Variants in HLCS observed in about 807,000 individuals in gnomAD.
The protein encoded by HLCS is biotin--protein ligase.
In HLCS, 53 loss-of-function variants were observed where a neutral mutation model predicts 75.0. The observed-to-expected ratio is 0.71, with a 90% CI of 0.57 to 0.89. HLCS has a LOEUF of 0.89. Ranked by LOEUF, HLCS falls within the 40% of genes least tolerant of loss-of-function variation. HLCS has a pLI of 0.00. For synonymous variants in HLCS, 431 were observed against 428.6 expected (o/e 1.01, Z -0.07); for missense variants, 966 against 1,074.0 (o/e 0.90, Z 1.41).
intron 8 of HLCS, among the ~76,000 whole-genome samples, chr21:36,761,702 T>C (rs929286361): frequency 6.6e-6 from 1 of 152,200 alleles, no homozygotes; most frequent in African/African-American, 2.4e-5. Context: ...AGCACTGGGC[T>C]GAGAAAGTCT....
intron 6 of HLCS, among the ~76,000 whole-genome samples, chr21:36,785,559 T>C (rs1293618715): frequency 3.3e-5 from 5 of 152,204 alleles, no homozygotes; most frequent in African/African-American, 2.4e-5. Flanking sequence ...ACTGAATCCT[T>C]GTACTGTTTG....
Position 36,936,294 on chromosome 21 carries a change from C to T in HLCS, c.1437+155G>A, listed in dbSNP as rs376764045. Among the ~76,000 whole-genome samples, 113 of 152,280 alleles carry T rather than the reference C, an allele frequency of 7.4e-4. 3 individuals are homozygous for T. The South Asian group carries it at 0.023, about 31-fold the overall frequency. On this transcript the variant is annotated intron_variant, in intron 4 of 10. Transcript: ENST00000674895. ...GCCCTGAACTAAACTAAACTTTCTG[C>T]TCACTATCAGCAAAAGCTCCCAGCC...
intron 1 of HLCS, among the ~76,000 whole-genome samples, chr21:36,988,211 A>G (rs1353160702): frequency 1.3e-5 from 2 of 152,166 alleles, no homozygotes; most frequent in African/African-American, 4.8e-5. Flanking sequence ...CCAATTTATT[A>G]GTTTCTAGTT....
chr21:36,831,949 C>T (rs2146052458), intron 6 of HLCS, among the ~76,000 whole-genome samples: 1 of 152,196 alleles, frequency 6.6e-6, no homozygotes, highest in African/African-American at 2.4e-5. Flanking sequence ...TGATTAGACA[C>T]AAGACAAGGA....
At chr21:36,932,982 G>A (rs2066714093) in intron 4 of HLCS, among the ~76,000 whole-genome samples, 1 of 152,184 alleles carries the variant, frequency 6.6e-6, no homozygotes, top group South Asian at 2.1e-4. Flanking sequence ...GCCAGGCATG[G>A]TGGCGCACGC....
At chr21:36,852,689 A>G (rs956545949) in intron 6 of HLCS, among the ~76,000 whole-genome samples, 3 of 152,222 alleles carry the variant, frequency 2.0e-5, no homozygotes, top group Non-Finnish European at 4.4e-5. Flanking sequence ...GATCCTTGGT[A>G]CATCTGCCTC....
chr21:36,905,241 T>C (rs1417203784), intron 5 of HLCS, among the ~76,000 whole-genome samples: 1 of 152,220 alleles, frequency 6.6e-6, no homozygotes, highest in Non-Finnish European at 1.5e-5. Context: ...AATAAGCATT[T>C]ACTGTATAAA....
rs112099232 is a variant in HLCS, at chr21:36,834,039, C to T, written c.1892+62821G>A. Reference sequence around the variant, plus strand: ...GACTGAAAATATAGTATTGGTGGGACGCAAAACCTGTAATGTACAGAGGGC... The same window carrying T: ...GACTGAAAATATAGTATTGGTGGGATGCAAAACCTGTAATGTACAGAGGGC... On this transcript the variant is annotated intron_variant, in intron 6 of 10. Coordinates refer to ENST00000674895, the MANE Select transcript of HLCS (RefSeq NM_001352514.2). 1.4e-3 allele frequency among the ~76,000 whole-genome samples: 211 copies of T among 152,312 alleles called. 1 individual carries two copies. The highest frequency in any genetic ancestry group is 4.1e-3 in the African/African-American group (169 of 41,562).
At position 36,842,694 on chromosome 21, in the gene HLCS, G is replaced by A. The variant is rs2062657466; in HGVS notation, c.1892+54166C>T. Among the ~76,000 whole-genome samples, 2 of 152,150 alleles carry A rather than the reference G, an allele frequency of 1.3e-5. No individual in the cohort carries two copies. Among genetic ancestry groups the A allele is most frequent in the African/African-American group, 2.4e-5 (1 of 41,426 alleles). On this transcript the variant is annotated intron_variant, in intron 6 of 10. Transcript: ENST00000674895. The surrounding 1 kb of genome is among the most constrained non-coding windows in gnomAD (Gnocchi z 4.2). ...GGAGGTGGAGGTTGCAGTAAGCCAA[G>A]ATTGTGCCACTGCACTCCACCCTGG...
intron 4 of HLCS, among the ~76,000 whole-genome samples, chr21:36,934,222 G>T (rs1230067706): frequency 6.6e-6 from 1 of 152,116 alleles, no homozygotes; most frequent in Non-Finnish European, 1.5e-5. Context: ...AGACTTTTTA[G>T]TTGGACCGAA....
At chr21:36,772,439 G>C (rs4817821) in intron 6 of HLCS, among the ~76,000 whole-genome samples, 67,339 of 151,418 alleles carry the variant, frequency 0.44, 15,243 homozygotes, top group East Asian at 0.64. Flanking sequence ...GAGTTCAAGA[G>C]CAGCTTAGGC....
At chr21:36,867,566 C>T (rs748485690) in intron 6 of HLCS, among the ~76,000 whole-genome samples, 98 of 152,188 alleles carry the variant, frequency 6.4e-4, no homozygotes, top group Non-Finnish European at 1.1e-3. Context: ...AAGAGAAAAT[C>T]TCTACCCCTC....
rs921947868 is a variant in HLCS at position 36,896,658 on chromosome 21, T to TA, written c.1892+201dup. The TA allele has an allele frequency of 6.5e-6, 4 of 612,788 alleles. No individual in the cohort carries two copies. In the African/African-American group the frequency reaches 7.4e-5, roughly 11 times the overall value. The allele number at this position is 612,788 out of a possible 1,614,324, so 38.0% of individuals were successfully genotyped here. ...AAAGCACAACCACCTTCCATTCCCA[T>TA]AAAAAACAAACCTGTGATCAAAGAA... On this transcript the variant is annotated intron_variant, in intron 6 of 10. Coordinates refer to ENST00000674895, the MANE Select transcript of HLCS (RefSeq NM_001352514.2).
At position 36,751,951 on chromosome 21, in the gene HLCS, C is replaced by G. The variant is rs2123541682; in HGVS notation, c.*2295G>C. On this transcript the variant is annotated 3_prime_UTR_variant, in exon 11 of 11. Transcript: ENST00000674895. ...GGAAAATGCCAAGTTCCCATTAAGA[C>G]TTTAAAGCTCCTTGAGATCCCAGGT... The G allele has an allele frequency of 6.6e-6, 1 of 152,590 alleles. No individual in the cohort carries two copies. The highest frequency in any genetic ancestry group is 3.4e-3 in the Middle Eastern group (1 of 294). 9.5% of individuals were successfully genotyped at this position (152,590 alleles called of 1,614,324 possible).
intron 1 of HLCS, among the ~76,000 whole-genome samples, chr21:36,982,543 T>G (rs2069142760): frequency 6.6e-6 from 1 of 152,204 alleles, no homozygotes; most frequent in Non-Finnish European, 1.5e-5. Flanking sequence ...TATACTGATT[T>G]TCACAAACTG....
Position 36,750,794 on chromosome 21 carries a change from A to G in HLCS, c.*3452T>C, listed in dbSNP as rs1433328933. 1.3e-5 allele frequency: 2 copies of G among 151,458 alleles called. No individual in the cohort carries two copies. The highest frequency in any genetic ancestry group is 2.9e-5 in the Non-Finnish European group (2 of 67,968). The allele number at this position is 151,458 out of a possible 1,614,324, so 9.4% of individuals were successfully genotyped here. On this transcript the variant is annotated 3_prime_UTR_variant, in exon 11 of 11. Transcript: ENST00000674895. ...GTTCCTAAACTTAAGTATGACATAT[A>G]AGATTAAAATCTTGGGGGGAAAAAC... is the stretch of plus-strand genomic sequence containing the variant.
At chr21:36,835,903 C>G (rs73385233) in intron 6 of HLCS, among the ~76,000 whole-genome samples, 160 of 152,116 alleles carry the variant, frequency 1.1e-3, no homozygotes, top group African/African-American at 3.5e-3. Context: ...CCACAAAGAC[C>G]TGATTCCCAT....
At chr21:36,933,385 T>A (rs947484000) in intron 4 of HLCS, among the ~76,000 whole-genome samples, 2 of 151,456 alleles carry the variant, frequency 1.3e-5, no homozygotes, top group African/African-American at 4.9e-5. Context: ...CCGTCTCTAC[T>A]AAAAATACAA....
intron 6 of HLCS, among the ~76,000 whole-genome samples, chr21:36,886,924 C>T (rs1474635359): frequency 6.6e-6 from 1 of 151,930 alleles, no homozygotes; most frequent in Admixed American, 6.6e-5. Context: ...GTCAGGGGTT[C>T]GAGACCAGAC....
Sources: gnomAD v4.1 joint callset for allele counts (sites outside exome capture counted in the v4.1 genomes callset) on GRCh38, gnomAD v4.1.1 for gene constraint, Gnocchi (gnomAD v3.1) non-coding constraint, MANE v1.5 for transcripts, NCBI Gene and HGNC (gene_info 2026-07-23, HGNC 2026-07-21) for gene names.